The following DSTYK variants were observed in gnomAD, a reference collection of about 807,000 sequenced individuals.
DSTYK encodes RIP-homologous kinase.
Under a neutral mutation model 98.7 loss-of-function variants are expected in DSTYK, and 34 were observed. That is an observed-to-expected ratio of 0.34 (90% CI 0.26 to 0.46). The LOEUF is 0.46. Among genes scored for constraint, DSTYK ranks in the 20% least tolerant of loss-of-function variants. The pLI, the probability that DSTYK is intolerant of heterozygous loss-of-function variation, is 1.00. For synonymous variants in DSTYK, 462 were observed against 457.3 expected (o/e 1.01, Z -0.13); for missense variants, 962 against 1,181.7 (o/e 0.81, Z 2.73).
chr1:205,191,403 C>T (rs911834455), intron 1 of DSTYK, among the ~76,000 whole-genome samples: 22 of 152,182 alleles, frequency 1.4e-4, no homozygotes, highest in Non-Finnish European at 2.4e-4. Flanking sequence ...GGGAACAGCA[C>T]GAGAATGAAG....
intron 2 of DSTYK, among the ~76,000 whole-genome samples, chr1:205,177,811 G>A (rs987664284): frequency 9.2e-5 from 14 of 151,726 alleles, no homozygotes; most frequent in Non-Finnish European, 1.6e-4. Context: ...AGGTTGCAGT[G>A]AGCCAAGATC....
At chr1:205,163,670 A>T (rs1016282831) in intron 4 of DSTYK, 53 bp downstream of exon 4, 53 of 1,450,000 alleles carry the variant, frequency 3.7e-5, no homozygotes, top group South Asian at 1.1e-4. Context: ...ACTTGTGCAG[A>T]TTTTTCATGT....
Position 205,162,935 on chromosome 1 carries a change from C to T in DSTYK, c.1629G>A (p.Glu543=). Residue 543 remains glutamate, a synonymous_variant, in exon 5 of 13, where the codon GAG becomes GAA. Transcript: ENST00000367162. ...SGSSVTRMLW[E]QIKQIIQRIT... The stretch of plus-strand genomic sequence containing the variant: ...TAATAATCCCTACCTGTTTGATTTG[C>T]TCCCATAGCATCCTTGTAACTGACG... The T allele has an allele frequency of 6.2e-7, 1 of 1,613,332 alleles. No homozygotes were observed. The highest frequency in any genetic ancestry group is 8.5e-7 in the Non-Finnish European group (1 of 1,179,252).
rs552326459 is a variant in DSTYK at position 205,172,743 on chromosome 1, T to TA, written c.655-2912dup. ...ATTTGCCTGGCCACTTTGAACTCCC[T>TA]AAAGCTCAAAGTGCTTTTAGCATCT... is the stretch of plus-strand genomic sequence containing the variant. On this transcript the variant is annotated intron_variant, in intron 2 of 12. Transcript: ENST00000367162. Among the ~76,000 whole-genome samples the TA allele has an allele frequency of 7.9e-5, 12 of 152,308 alleles. No individual in the cohort carries two copies. In the East Asian group the frequency reaches 2.3e-3, roughly 29 times the overall value.
intron 10 of DSTYK, among the ~76,000 whole-genome samples, chr1:205,155,130 G>T (rs1405713072): frequency 6.6e-6 from 1 of 151,782 alleles, no homozygotes; most frequent in Non-Finnish European, 1.5e-5. Context: ...GACTACAGGT[G>T]TGTGCCACCA....
chr1:205,209,188 C>T (rs1336738685), intron 1 of DSTYK, among the ~76,000 whole-genome samples: 2 of 152,276 alleles, frequency 1.3e-5, no homozygotes, highest in South Asian at 4.1e-4. Context: ...CTCCATCTCT[C>T]TGAGGTTAAT....
At position 205,163,888 on chromosome 1, in the gene DSTYK, G is replaced by T; in HGVS notation, c.1392C>A (p.Ile464=). 6.2e-7 allele frequency: 1 copy of T among 1,614,116 alleles called. No individual in the cohort carries two copies. Among genetic ancestry groups the T allele is most frequent in the South Asian group, 1.1e-5 (1 of 91,076 alleles). ...TREIKCCIRQ[I]QELIISRLNQ... ...TAAGTCGGGAGATGATGAGTTCCTG[G>T]ATCTGTCGGATGCAGCATTTGATCT... The change falls in exon 4 of 13, where the codon ATC becomes ATA. Residue 464 remains isoleucine, a synonymous_variant. Coordinates refer to ENST00000367162, the MANE Select transcript of DSTYK (RefSeq NM_015375.3).
At chr1:205,188,583 A>G (rs1170332888) in intron 1 of DSTYK, among the ~76,000 whole-genome samples, 1 of 152,232 alleles carries the variant, frequency 6.6e-6, no homozygotes, top group African/African-American at 2.4e-5. Context: ...GCCATCATGC[A>G]GCACATAATA....
At chr1:205,206,866 C>T (rs577674045) in intron 1 of DSTYK, among the ~76,000 whole-genome samples, 2 of 152,100 alleles carry the variant, frequency 1.3e-5, no homozygotes, top group Non-Finnish European at 2.9e-5. Flanking sequence ...CCGCTCCCGG[C>T]CCAGGTCCTG....
intron 2 of DSTYK, among the ~76,000 whole-genome samples, chr1:205,174,153 C>T (rs1269246832): frequency 4.6e-5 from 7 of 151,886 alleles, no homozygotes; most frequent in Non-Finnish European, 1.0e-4. Flanking sequence ...TTGAGGTGGG[C>T]AGATTGCTTG....
intron 2 of DSTYK, among the ~76,000 whole-genome samples, chr1:205,179,548 G>A (rs11803790): frequency 2.0e-5 from 3 of 151,172 alleles, no homozygotes; most frequent in African/African-American, 7.3e-5. Context: ...GTGAACCCGG[G>A]AGGCAGAGCT....
In DSTYK at chr1:205,197,468, C is replaced by A. The variant is rs1351194463; in HGVS notation, c.266-9662G>T. Among the ~76,000 whole-genome samples, 4 of 152,092 alleles carry A rather than the reference C, an allele frequency of 2.6e-5. 1 individual carries two copies. The East Asian group carries it at 7.7e-4, about 29-fold the overall frequency. On this transcript the variant is annotated intron_variant, in intron 1 of 12. Coordinates refer to ENST00000367162, the MANE Select transcript of DSTYK (RefSeq NM_015375.3). ...CAGGTATTGGAACTCTTTTATTGTT[C>A]TCGCAACACTTACGTATGTTTGAAA... is the stretch of plus-strand genomic sequence containing the variant.
At position 205,181,658 on chromosome 1, in the gene DSTYK, GT is replaced by G. The variant is rs1558616488; in HGVS notation, c.654+5759del. Among the ~76,000 whole-genome samples, 37 of 69,130 alleles carry G rather than the reference GT, an allele frequency of 5.4e-4. 1 individual carries two copies. The Middle Eastern group carries it at 0.017, about 31-fold the overall frequency. The allele number at this position is 69,130 out of a possible 152,430, so 45.4% of individuals were successfully genotyped here. A position where few individuals can be genotyped will look rare whatever the true frequency, so the allele number is the denominator to read the frequency against. On this transcript the variant is annotated intron_variant, in intron 2 of 12. Coordinates refer to ENST00000367162, the MANE Select transcript of DSTYK (RefSeq NM_015375.3). ...ATGTGAGCCACAGATGTTGGGGTTT[GT>G]GTGTGTGTGTGTGTGTGTGTGTGTG...
intron 12 of DSTYK, 57 bp from the exon 13 acceptor site, chr1:205,147,802 A>G: frequency 6.4e-7 from 1 of 1,564,502 alleles, no homozygotes; most frequent in African/African-American, 1.4e-5. Flanking sequence ...CACAACAAAG[A>G]GGCATGACCA....
At position 205,150,158 on chromosome 1, in the gene DSTYK, A is replaced by G. The variant is rs942454138; in HGVS notation, c.2467+522T>C. Among the ~76,000 whole-genome samples, 12 of 152,278 alleles carry G rather than the reference A, an allele frequency of 7.9e-5. No homozygotes were observed. The East Asian group carries it at 2.1e-3, about 27-fold the overall frequency. ...TAAATGAGTTCCCTTCTCACCTACC[A>G]ATTTCCCAAATCTGACTCAAGTTCT... On this transcript the variant is annotated intron_variant, in intron 11 of 12. Coordinates refer to ENST00000367162, the MANE Select transcript of DSTYK (RefSeq NM_015375.3). The surrounding 1 kb of genome is among the most constrained non-coding windows in gnomAD (Gnocchi z 4.1).
At position 205,169,043 on chromosome 1, in the gene DSTYK, G is replaced by A. The variant is rs1390182423; in HGVS notation, c.1324+120C>T. On this transcript the variant is annotated intron_variant, in intron 3 of 12. Coordinates refer to ENST00000367162, the MANE Select transcript of DSTYK (RefSeq NM_015375.3). This position sits in a 1 kb window ranked among gnomAD's most constrained non-coding sequence, Gnocchi z 4.0. ...AGTGGGCTCCTGCTGGTAACAGTGGGGTGGATGAAGTTACCCTGAGATTCC... is the reference window on the plus strand; with the variant it reads ...AGTGGGCTCCTGCTGGTAACAGTGGAGTGGATGAAGTTACCCTGAGATTCC... 2 of 838,882 alleles carry A rather than the reference G, an allele frequency of 2.4e-6. No individual in the cohort carries two copies. Among genetic ancestry groups the A allele is most frequent in the African/African-American group, 3.4e-5 (2 of 58,672 alleles). The allele number at this position is 838,882 out of a possible 1,614,324, so 52.0% of individuals were successfully genotyped here. A position where few individuals can be genotyped will look rare whatever the true frequency, so the allele number is the denominator to read the frequency against.
intron 2 of DSTYK, among the ~76,000 whole-genome samples, chr1:205,172,300 G>GT (rs200894364): frequency 0.022 from 3,335 of 149,850 alleles, 48 homozygotes; most frequent in East Asian, 0.064. Context: ...GTTTGTTTGT[G>GT]GTTTTTTTTT....
chr1:205,200,299 A>G (rs1472419207), intron 1 of DSTYK, among the ~76,000 whole-genome samples: 3 of 152,136 alleles, frequency 2.0e-5, no homozygotes, highest in Non-Finnish European at 4.4e-5. Context: ...TGGCCTCCCA[A>G]AGTGCTGGGA....
At chr1:205,160,070 T>G (rs1281013628) in intron 8 of DSTYK, 44 bp downstream of exon 8, 3 of 1,608,700 alleles carry the variant, frequency 1.9e-6, no homozygotes, top group African/African-American at 1.3e-5. Context: ...TTCTAGATTC[T>G]TCTCTGGATC....
Sources: allele counts gnomAD v4.1 joint callset (sites outside exome capture counted in the v4.1 genomes callset), GRCh38; gene constraint gnomAD v4.1.1; non-coding constraint Gnocchi (gnomAD v3.1); transcripts MANE v1.5; gene names NCBI Gene and HGNC (gene_info 2026-07-23, HGNC 2026-07-21).